The following GABRG3 variants were observed in gnomAD, a reference collection of about 807,000 sequenced individuals.
GABRG3 encodes gamma-aminobutyric acid type A receptor subunit gamma3, also known as gamma-aminobutyric acid receptor subunit gamma-3.
A neutral mutation model predicts 48.8 loss-of-function variants in GABRG3; 25 were observed. That is an observed-to-expected ratio of 0.51 (90% CI 0.37 to 0.72). The LOEUF (loss-of-function observed/expected upper bound fraction) is 0.72, where lower values mean the gene tolerates loss of function less well. Ranked by LOEUF, GABRG3 falls within the 30% of genes least tolerant of loss-of-function variation. The pLI, the probability that GABRG3 is intolerant of heterozygous loss-of-function variation, is 0.00. For missense variants in GABRG3, 394 were observed against 577.9 expected (o/e 0.68, Z 3.26); for synonymous variants, 227 against 217.6 (o/e 1.04, Z -0.38).
intron 3 of GABRG3, among the ~76,000 whole-genome samples, chr15:27,235,471 C>A (rs58770921): frequency 6.6e-6 from 1 of 152,104 alleles, no homozygotes. Context: ...CTTTACAAAC[C>A]GTCGTTCAAT....
chr15:27,068,352 C>T (rs2140731153), intron 3 of GABRG3, among the ~76,000 whole-genome samples: 1 of 152,280 alleles, frequency 6.6e-6, no homozygotes, highest in South Asian at 2.1e-4. Flanking sequence ...AGGAGCCATC[C>T]ACACTGCAGG....
At chr15:27,244,318 G>A (rs908248447) in intron 3 of GABRG3, among the ~76,000 whole-genome samples, 3 of 152,186 alleles carry the variant, frequency 2.0e-5, no homozygotes, top group African/African-American at 7.2e-5. Context: ...TGGGCAGAGG[G>A]CAGAGGTCCC....
intron 5 of GABRG3, among the ~76,000 whole-genome samples, chr15:27,455,926 C>G (rs1399352750): frequency 6.6e-6 from 1 of 152,122 alleles, no homozygotes; most frequent in African/African-American, 2.4e-5. Flanking sequence ...TCCCACTTTG[C>G]CCGTGTCCAG....
chr15:27,370,374 C>T (rs1397233026), intron 5 of GABRG3, among the ~76,000 whole-genome samples: 1 of 152,220 alleles, frequency 6.6e-6, no homozygotes, highest in Non-Finnish European at 1.5e-5. Flanking sequence ...CATGTAATAG[C>T]CTGGAGTACT....
chr15:27,417,120 A>G (rs1566831059), intron 5 of GABRG3, among the ~76,000 whole-genome samples: 3 of 152,132 alleles, frequency 2.0e-5, no homozygotes, highest in African/African-American at 7.2e-5. Flanking sequence ...ACAATTGGGA[A>G]CTGTGGGTGC....
Position 27,353,507 on chromosome 15 carries a change from G to A in GABRG3, c.574+24619G>A, listed in dbSNP as rs143496981. ...TGCCCAGGCTGGAGTGCAATGGCAC[G>A]ATCTCAGCTCACTGCAACCCCTGCC... is the stretch of plus-strand genomic sequence containing the variant. On this transcript the variant is annotated intron_variant, in intron 5 of 9. Coordinates refer to ENST00000615808, the MANE Select transcript of GABRG3 (RefSeq NM_033223.5). Among the ~76,000 whole-genome samples, 663 of 151,726 alleles carry A rather than the reference G, an allele frequency of 4.4e-3. 3 individuals carry two copies. The highest frequency in any genetic ancestry group is 0.015 in the African/African-American group (626 of 41,314).
intron 9 of GABRG3, among the ~76,000 whole-genome samples, chr15:27,530,181 A>G (rs78701124): frequency 0.03 from 4,517 of 152,282 alleles, 248 homozygotes; most frequent in African/African-American, 0.1. Flanking sequence ...GGCCTGGGGC[A>G]AGCTGTTCCA....
intron 5 of GABRG3, among the ~76,000 whole-genome samples, chr15:27,478,025 T>A (rs908136346): frequency 6.9e-6 from 1 of 145,952 alleles, no homozygotes; most frequent in South Asian, 2.2e-4. Flanking sequence ...ACAGCCTGGG[T>A]GACAGAGGGA....
chr15:27,321,825 C>T (rs1450209351), intron 3 of GABRG3, among the ~76,000 whole-genome samples: 1 of 152,240 alleles, frequency 6.6e-6, no homozygotes, highest in Non-Finnish European at 1.5e-5. Context: ...TCCAAATTTT[C>T]TAGAAGTTAC....
intron 2 of GABRG3, among the ~76,000 whole-genome samples, chr15:27,017,607 C>A (rs1264555645): frequency 6.6e-6 from 1 of 152,212 alleles, no homozygotes; most frequent in Non-Finnish European, 1.5e-5. Flanking sequence ...TCTTTTCTTT[C>A]TTTCCTCAGG....
At chr15:26,993,483 A>G (rs938505513) in intron 2 of GABRG3, among the ~76,000 whole-genome samples, 1 of 151,890 alleles carries the variant, frequency 6.6e-6, no homozygotes, top group Admixed American at 6.6e-5. Context: ...TCAGGGCCAT[A>G]TTGTTTCATT....
chr15:27,488,136 T>C (rs1025821946), intron 6 of GABRG3, among the ~76,000 whole-genome samples: 1 of 152,126 alleles, frequency 6.6e-6, no homozygotes, highest in Admixed American at 6.5e-5. Context: ...CAAGCGCTCA[T>C]GCCACACTCC....
chr15:27,127,564 A>G (rs943187117), intron 3 of GABRG3, among the ~76,000 whole-genome samples: 3 of 151,984 alleles, frequency 2.0e-5, no homozygotes, highest in Non-Finnish European at 2.9e-5. Context: ...TCTTCTGTGA[A>G]TTCTAATTTC....
chr15:27,524,663 A>G (rs1416900787), intron 7 of GABRG3, among the ~76,000 whole-genome samples: 2 of 152,122 alleles, frequency 1.3e-5, no homozygotes, highest in Admixed American at 6.5e-5. Context: ...ATGCTAAATT[A>G]TGTATTTATA....
chr15:27,316,387 CAAAAAAAAAAAA>C (rs749930128), intron 3 of GABRG3, among the ~76,000 whole-genome samples: 1 of 41,662 alleles, frequency 2.4e-5, no homozygotes, highest in Non-Finnish European at 5.4e-5. Flanking sequence ...GACTCCGTCT[CAAAAAAAAAAAA>C]AAAAAAAAAA....
chr15:27,358,231 C>G (rs115819139), intron 5 of GABRG3, among the ~76,000 whole-genome samples: 1 of 152,114 alleles, frequency 6.6e-6, no homozygotes, highest in Non-Finnish European at 1.5e-5. Context: ...CTACCAAACA[C>G]CCCAGTCTGA....
At chr15:27,269,291 T>C (rs573842740) in intron 3 of GABRG3, among the ~76,000 whole-genome samples, 5 of 152,346 alleles carry the variant, frequency 3.3e-5, no homozygotes, top group African/African-American at 9.6e-5. Flanking sequence ...TAAAAGTTTC[T>C]ATTGGTCTAC....
At chr15:27,212,000 A>G (rs1889096168) in intron 3 of GABRG3, among the ~76,000 whole-genome samples, 1 of 152,226 alleles carries the variant, frequency 6.6e-6, no homozygotes, top group African/African-American at 2.4e-5. Flanking sequence ...GTGAAGAAGA[A>G]TTTCTTAAAA....
intron 3 of GABRG3, among the ~76,000 whole-genome samples, chr15:27,246,190 A>G (rs1370406426): frequency 2.0e-5 from 3 of 152,140 alleles, no homozygotes; most frequent in Non-Finnish European, 4.4e-5. Flanking sequence ...TCCAAACCAT[A>G]TTCGATCTCC....
Sources: gnomAD v4.1 joint callset for allele counts (sites outside exome capture counted in the v4.1 genomes callset) on GRCh38, gnomAD v4.1.1 for gene constraint, MANE v1.5 for transcripts, NCBI Gene and HGNC (gene_info 2026-07-23, HGNC 2026-07-21) for gene names.